The following CPVL variants were observed in gnomAD, a reference collection of about 807,000 sequenced individuals.
CPVL encodes the protein probable serine carboxypeptidase CPVL.
Under a neutral mutation model 63.7 loss-of-function variants are expected in CPVL, and 51 were observed. That is an observed-to-expected ratio of 0.80 (90% CI 0.64 to 1.01). The LOEUF is 1.01. Among genes scored for constraint, CPVL ranks in the 50% least tolerant of loss-of-function variants. The probability of loss-of-function intolerance (pLI) is 0.00; values close to 1 mark genes in which losing one functional copy is unlikely to be tolerated. For synonymous variants in CPVL, 195 were observed against 206.0 expected (o/e 0.95, Z 0.46); for missense variants, 530 against 573.1 (o/e 0.92, Z 0.77).
At chr7:29,145,124 G>C (rs890485234) in intron 1 of CPVL, among the ~76,000 whole-genome samples, 1 of 151,560 alleles carries the variant, frequency 6.6e-6, no homozygotes, top group African/African-American at 2.4e-5. Context: ...TGCCAACAAA[G>C]CCGGTGCAGT....
At chr7:29,001,934 C>T (rs1583932203) in intron 12 of CPVL, among the ~76,000 whole-genome samples, 1 of 152,046 alleles carries the variant, frequency 6.6e-6, no homozygotes, top group African/African-American at 2.4e-5. Flanking sequence ...CCACAGAAAA[C>T]AATAGAAGCT....
chr7:29,034,249 T>G (rs543823267), intron 11 of CPVL, among the ~76,000 whole-genome samples: 3 of 152,078 alleles, frequency 2.0e-5, no homozygotes, highest in African/African-American at 7.2e-5. Flanking sequence ...GGACTACAGG[T>G]GCATGCCACT....
Position 29,157,186 on chromosome 7 carries a change from C to T in CPVL, c.-11+24104G>A, listed in dbSNP as rs1215898432. Among the ~76,000 whole-genome samples, 11 of 152,324 alleles carry T rather than the reference C, an allele frequency of 7.2e-5. 1 individual carries two copies. In the South Asian group the frequency reaches 2.3e-3, roughly 32 times the overall value. On this transcript the variant is annotated intron_variant, in intron 5 of 16. Transcript: ENST00000409850. The stretch of plus-strand genomic sequence containing the variant: ...TCCCACTTAACATCCTAATCACCCA[C>T]ATCAGCAGTTTACACTGCAGCTACC...
intron 6 of CPVL, among the ~76,000 whole-genome samples, chr7:29,089,121 C>T (rs999282826): frequency 3.3e-5 from 5 of 152,154 alleles, no homozygotes; most frequent in Admixed American, 6.5e-5. Context: ...AAGGACTTGT[C>T]TCATAAACAG....
intron 5 of CPVL, among the ~76,000 whole-genome samples, chr7:29,164,157 C>G (rs1174953028): frequency 6.6e-6 from 1 of 152,192 alleles, no homozygotes; most frequent in African/African-American, 2.4e-5. Context: ...CATATCCTTC[C>G]CAACACTTAT....
chr7:29,187,734 AT>A (rs1406984036), intron 1 of CPVL, among the ~76,000 whole-genome samples: 2 of 152,148 alleles, frequency 1.3e-5, no homozygotes, highest in Admixed American at 6.5e-5. Flanking sequence ...CTCTCAAAAA[AT>A]AAAAATAAAA....
At position 29,120,968 on chromosome 7, in the gene CPVL, A is replaced by G. The variant is rs1201458232; in HGVS notation, c.94T>C (p.Ser32Pro). The G allele has an allele frequency of 6.2e-7, 1 of 1,614,052 alleles. No homozygotes were observed. ...GLFRSLYRSVSMPPKGDSGQP... is the reference protein window; with the variant it reads ...GLFRSLYRSVPMPPKGDSGQP... ...CCTGAGTCTCCCTTAGGTGGCATGG[A>G]AACACTTCTGTATAGGGAGCGAAAC... The change falls in exon 2 of 13, where the codon TCC becomes CCC. Residue 32 changes from serine to proline, a missense_variant. Ser to Pro is a moderately conservative substitution (Grantham distance 74). Coordinates refer to ENST00000265394, the MANE Select transcript of CPVL (RefSeq NM_031311.5).
At chr7:29,145,060 C>T (rs1792336159) in intron 1 of CPVL, among the ~76,000 whole-genome samples, 1 of 151,630 alleles carries the variant, frequency 6.6e-6, no homozygotes, top group South Asian at 2.1e-4. Flanking sequence ...ATGAGGTACA[C>T]ATCTAGAATG....
intron 1 of CPVL, among the ~76,000 whole-genome samples, chr7:29,137,400 A>G (rs1791350302): frequency 1.3e-5 from 2 of 152,178 alleles, no homozygotes; most frequent in South Asian, 2.1e-4. Context: ...TGACATTTAC[A>G]TAGCATGCAG....
intron 10 of CPVL, among the ~76,000 whole-genome samples, chr7:29,065,003 A>T (rs1238514810): frequency 6.6e-6 from 1 of 152,108 alleles, no homozygotes; most frequent in Admixed American, 6.5e-5. Flanking sequence ...GTGAAAAGAG[A>T]TGATACTTTA....
intron 1 of CPVL, chr7:29,126,554 G>T (rs1790042810): frequency 6.6e-6 from 1 of 152,170 alleles, no homozygotes; most frequent in Admixed American, 6.5e-5. Flanking sequence ...TGCCACTGGA[G>T]GTGTGTGTTT....
At chr7:29,027,319 C>A (rs967838626) in intron 12 of CPVL, among the ~76,000 whole-genome samples, 6 of 152,102 alleles carry the variant, frequency 3.9e-5, no homozygotes, top group Admixed American at 2.0e-4. Context: ...ACAAATCAGG[C>A]ATAGAAGGAA....
chr7:29,062,893 C>T (rs1782768030), intron 11 of CPVL, among the ~76,000 whole-genome samples: 1 of 152,024 alleles, frequency 6.6e-6, no homozygotes, highest in Admixed American at 6.5e-5. Context: ...TTTGTTCATT[C>T]AAAACAGGAT....
chr7:29,055,394 C>T (rs141524688), intron 11 of CPVL, among the ~76,000 whole-genome samples: 17 of 152,094 alleles, frequency 1.1e-4, no homozygotes, highest in East Asian at 7.7e-4. Context: ...GGATTACAGG[C>T]GCCCGCCACC....
chr7:29,137,734 CA>C (rs1791400465), intron 1 of CPVL, among the ~76,000 whole-genome samples: 1 of 152,154 alleles, frequency 6.6e-6, no homozygotes, highest in African/African-American at 2.4e-5. Flanking sequence ...ACTATCTGCC[CA>C]AATAATTTCT....
intron 12 of CPVL, among the ~76,000 whole-genome samples, chr7:29,005,248 G>A (rs1785072673): frequency 6.6e-6 from 1 of 152,036 alleles, no homozygotes; most frequent in African/African-American, 2.4e-5. Context: ...AGATAATAAG[G>A]ACTCAACCAG....
chr7:29,068,740 G>A lies in CPVL; in HGVS notation c.865-2619C>T, dbSNP rs1448104477. Among the ~76,000 whole-genome samples the A allele has an allele frequency of 2.0e-5, 3 of 149,470 alleles. No homozygotes were observed. The East Asian group carries it at 5.9e-4, about 30-fold the overall frequency. On this transcript the variant is annotated intron_variant, in intron 9 of 12. Coordinates refer to ENST00000265394, the MANE Select transcript of CPVL (RefSeq NM_031311.5). ...GATGGAGTCTCGCTCTGTCACCCAG[G>A]CTGGAGTGCAGTGGCGCGATCTTGG...
At chr7:29,061,352 G>A (rs892834557) in intron 11 of CPVL, among the ~76,000 whole-genome samples, 1 of 152,158 alleles carries the variant, frequency 6.6e-6, no homozygotes, top group Non-Finnish European at 1.5e-5. Context: ...TGTGGAGGTT[G>A]CAGTGAGCCG....
intron 3 of CPVL, among the ~76,000 whole-genome samples, chr7:29,098,170 G>A (rs954709918): frequency 6.6e-6 from 1 of 152,188 alleles, no homozygotes; most frequent in Admixed American, 6.5e-5. Context: ...GAGTGGATGC[G>A]TTCCATTGAC....
Sources: gnomAD v4.1 joint callset for allele counts (sites outside exome capture counted in the v4.1 genomes callset) on GRCh38, gnomAD v4.1.1 for gene constraint, MANE v1.5 for transcripts, NCBI Gene and HGNC (gene_info 2026-07-23, HGNC 2026-07-21) for gene names.